Variants in CNTNAP2 observed in about 807,000 individuals in gnomAD.
The protein encoded by CNTNAP2 is contactin-associated protein-like 2.
Under a neutral mutation model 155.2 loss-of-function variants are expected in CNTNAP2, and 98 were observed. The observed-to-expected ratio is 0.63, with a 90% CI of 0.54 to 0.75. CNTNAP2 has a LOEUF of 0.75. Among genes scored for constraint, CNTNAP2 ranks in the 30% least tolerant of loss-of-function variants. The pLI, the probability that CNTNAP2 is intolerant of heterozygous loss-of-function variation, is 0.00. For synonymous variants in CNTNAP2, 651 were observed against 631.2 expected (o/e 1.03, Z -0.47); for missense variants, 1,727 against 1,688.1 (o/e 1.02, Z -0.40).
intron 3 of CNTNAP2, among the ~76,000 whole-genome samples, chr7:147,001,788 AACACTGAAT>A: frequency 6.6e-6 from 1 of 152,170 alleles, no homozygotes; most frequent in East Asian, 1.9e-4. Flanking sequence ...GAAAAGATGT[AACACTGAAT>A]AAAAAAGAAA....
At chr7:146,287,859 C>G (rs1455714225) in intron 1 of CNTNAP2, among the ~76,000 whole-genome samples, 1 of 152,096 alleles carries the variant, frequency 6.6e-6, no homozygotes, top group Non-Finnish European at 1.5e-5. Flanking sequence ...TTATTGTTAT[C>G]TTACCTGGAG....
intron 10 of CNTNAP2, among the ~76,000 whole-genome samples, chr7:147,412,879 T>A (rs1036635762): frequency 2.0e-5 from 3 of 152,200 alleles, no homozygotes; most frequent in Non-Finnish European, 4.4e-5. Flanking sequence ...ATTCTCAGAA[T>A]GCCTGAGAAA....
At chr7:147,489,123 T>C (rs559124573) in intron 11 of CNTNAP2, among the ~76,000 whole-genome samples, 1 of 152,366 alleles carries the variant, frequency 6.6e-6, no homozygotes, top group Non-Finnish European at 1.5e-5. Flanking sequence ...GTTTCCATAG[T>C]ATTTTTCTCC....
intron 1 of CNTNAP2, among the ~76,000 whole-genome samples, chr7:146,451,995 G>A (rs1307319437): frequency 6.6e-6 from 1 of 151,276 alleles, no homozygotes; most frequent in Non-Finnish European, 1.5e-5. Context: ...TGCAACCTCT[G>A]CCTCTCAGGT....
intron 8 of CNTNAP2, among the ~76,000 whole-genome samples, chr7:147,292,124 C>G (rs1805326476): frequency 6.6e-6 from 1 of 152,016 alleles, no homozygotes; most frequent in African/African-American, 2.4e-5. Context: ...TTTTGATGTC[C>G]TCTAGGAAAC....
chr7:147,472,311 C>T (rs1392939044), intron 10 of CNTNAP2, among the ~76,000 whole-genome samples: 1 of 143,766 alleles, frequency 7.0e-6, no homozygotes, highest in Non-Finnish European at 1.5e-5. Flanking sequence ...CTCCCAGGTT[C>T]ATGCGATTCT....
Position 148,224,443 on chromosome 7 carries a change from G to A in CNTNAP2, c.3248-5203G>A, listed in dbSNP as rs189605906. On this transcript the variant is annotated intron_variant, in intron 19 of 23. Transcript: ENST00000361727. Reference sequence around the variant, plus strand: ...ATTTTCTAGGGAATAAGAGAAGTTCGTGGTAGTTTGAATGTAAAAAGTGAC... The same window carrying A: ...ATTTTCTAGGGAATAAGAGAAGTTCATGGTAGTTTGAATGTAAAAAGTGAC... Among the ~76,000 whole-genome samples, 18 of 152,298 alleles carry A rather than the reference G, an allele frequency of 1.2e-4. No homozygotes were observed. In the East Asian group the frequency reaches 2.1e-3, roughly 18 times the overall value.
intron 11 of CNTNAP2, among the ~76,000 whole-genome samples, chr7:147,514,673 A>C (rs1232774157): frequency 6.6e-6 from 1 of 152,108 alleles, no homozygotes; most frequent in Non-Finnish European, 1.5e-5. Flanking sequence ...AAGATCATAA[A>C]ATTCACTAAG....
chr7:148,164,729 T>C (rs1585161487), intron 17 of CNTNAP2, among the ~76,000 whole-genome samples: 1 of 147,264 alleles, frequency 6.8e-6, no homozygotes, highest in South Asian at 2.3e-4. Flanking sequence ...CAAGTCATTC[T>C]CCTGCCTCAG....
chr7:146,133,853 C>A (rs1437375042), intron 1 of CNTNAP2, among the ~76,000 whole-genome samples: 1 of 152,092 alleles, frequency 6.6e-6, no homozygotes, highest in African/African-American at 2.4e-5. Flanking sequence ...AGTGTGATGC[C>A]TCCAGCTTTG....
intron 21 of CNTNAP2, among the ~76,000 whole-genome samples, chr7:148,322,820 T>G (rs141866810): frequency 5.4e-4 from 82 of 151,282 alleles, no homozygotes; most frequent in African/African-American, 2.0e-3. Context: ...TTCAAATTTT[T>G]TCCTCACTTC....
chr7:147,702,820 T>A (rs886207665), intron 13 of CNTNAP2, among the ~76,000 whole-genome samples: 1 of 152,164 alleles, frequency 6.6e-6, no homozygotes, highest in Non-Finnish European at 1.5e-5. Context: ...TCTGCTGTGA[T>A]GGTCTTGAAA....
intron 10 of CNTNAP2, among the ~76,000 whole-genome samples, chr7:147,484,754 C>G (rs1241547869): frequency 6.6e-6 from 1 of 152,318 alleles, no homozygotes; most frequent in South Asian, 2.1e-4. Flanking sequence ...GAGGCCAGCT[C>G]TATCAGATTT....
chr7:146,586,528 TACACACACATAC>T lies in CNTNAP2; in HGVS notation c.98-187734_98-187723del, dbSNP rs566264135. 1.9e-3 allele frequency among the ~76,000 whole-genome samples: 296 copies of T among 152,208 alleles called. 2 individuals carry two copies. The highest frequency in any genetic ancestry group is 1.3e-3 in the Non-Finnish European group (86 of 68,010). ...GCATCTGTTTTCTACCATTGACATT[TACACACACATAC>T]ACACACACTCCCCCACACATATAGA... On this transcript the variant is annotated intron_variant, in intron 1 of 23. Coordinates refer to ENST00000361727, the MANE Select transcript of CNTNAP2 (RefSeq NM_014141.6).
chr7:147,729,386 C>G (rs559102577), intron 13 of CNTNAP2, among the ~76,000 whole-genome samples: 1 of 147,256 alleles, frequency 6.8e-6, no homozygotes, highest in Admixed American at 7.0e-5. Context: ...TAAGGGCCTC[C>G]CGCTCTAATA....
At chr7:146,711,676 A>G (rs1182587792) in intron 1 of CNTNAP2, among the ~76,000 whole-genome samples, 1 of 148,208 alleles carries the variant, frequency 6.7e-6, no homozygotes, top group African/African-American at 2.5e-5. Context: ...TTTCGTATAT[A>G]TCTCATTATA....
intron 10 of CNTNAP2, among the ~76,000 whole-genome samples, chr7:147,451,740 C>T (rs577634066): frequency 1.4e-5 from 2 of 145,010 alleles, no homozygotes; most frequent in African/African-American, 2.6e-5. Context: ...AAAGAGGTTG[C>T]TATGATTTGA....
chr7:147,508,807 C>T (rs531044651), intron 11 of CNTNAP2, among the ~76,000 whole-genome samples: 143 of 152,276 alleles, frequency 9.4e-4, no homozygotes, highest in African/African-American at 3.4e-3. Context: ...TAAGACATGC[C>T]TATGACTCCT....
intron 10 of CNTNAP2, among the ~76,000 whole-genome samples, chr7:147,420,314 G>A (rs547176055): frequency 6.6e-6 from 1 of 152,198 alleles, no homozygotes; most frequent in South Asian, 2.1e-4. Flanking sequence ...GTATTATTTG[G>A]TGTTCTGAAT....
Sources: allele counts gnomAD v4.1 joint callset (sites outside exome capture counted in the v4.1 genomes callset), GRCh38; gene constraint gnomAD v4.1.1; transcripts MANE v1.5; gene names NCBI Gene and HGNC (gene_info 2026-07-23, HGNC 2026-07-21).